Variants in NOL4L observed in about 807,000 individuals in gnomAD.
NOL4L encodes nucleolar protein 4 like.
In NOL4L, 7 loss-of-function variants were observed where a neutral mutation model predicts 64.5. The ratio of observed to expected loss-of-function variants is 0.11; its 90% CI spans 0.06 to 0.20. NOL4L has a LOEUF of 0.20. Among genes scored for constraint, NOL4L ranks in the 10% least tolerant of loss-of-function variants. The pLI, the probability that NOL4L is intolerant of heterozygous loss-of-function variation, is 1.00. For missense variants in NOL4L, 680 were observed against 967.1 expected (o/e 0.70, Z 3.94); for synonymous variants, 413 against 401.0 (o/e 1.03, Z -0.36).
chr20:32,495,559 C>G (rs2016655279), intron 4 of NOL4L, among the ~76,000 whole-genome samples: 1 of 152,202 alleles, frequency 6.6e-6, no homozygotes, highest in South Asian at 2.1e-4. Flanking sequence ...ACTTCCTCCC[C>G]AGAAGACAGT....
intron 4 of NOL4L, among the ~76,000 whole-genome samples, chr20:32,490,725 T>A (rs992363763): frequency 6.6e-6 from 1 of 152,202 alleles, no homozygotes; most frequent in African/African-American, 2.4e-5. Context: ...CTGAAAACCA[T>A]GATAAAAGGT....
intron 4 of NOL4L, 92 bp from the exon 5 acceptor site, chr20:32,474,834 G>A (rs542088349): frequency 3.2e-5 from 47 of 1,466,240 alleles, no homozygotes; most frequent in Admixed American, 1.4e-4. Context: ...GCCAGTGGGC[G>A]TTTGGGAGTG....
At chr20:32,542,983 C>T (rs1289036120) in intron 1 of NOL4L, among the ~76,000 whole-genome samples, 3 of 152,132 alleles carry the variant, frequency 2.0e-5, no homozygotes, top group African/African-American at 4.8e-5. Context: ...AGCACACAGC[C>T]GTTCTCGATA....
Position 32,463,567 on chromosome 20 carries a change from C to T in NOL4L, c.842-7172G>A, listed in dbSNP as rs541012852. Among the ~76,000 whole-genome samples, 27 of 152,324 alleles carry T rather than the reference C, an allele frequency of 1.8e-4. No individual in the cohort carries two copies. The highest frequency in any genetic ancestry group is 5.5e-4 in the African/African-American group (23 of 41,578). On this transcript the variant is annotated intron_variant, in intron 5 of 10. Transcript: ENST00000621426. The surrounding 1 kb of genome is among the most constrained non-coding windows in gnomAD (Gnocchi z 5.8). ...CCACCACCTGTGCCCAGAATGCCTA[C>T]GGGCAGGGAAGGACTGCCGTGTCCG...
rs386393630 is a variant in NOL4L, at chr20:32,447,403, CAA to C, written c.*191_*192del. ...TCAGAGCACCCGTGTGGTGAGATTC[CAA>C]AAAAAAAAAAAAAAAAAAAAAAAAG... On this transcript the variant is annotated 3_prime_UTR_variant, in exon 11 of 11. Transcript: ENST00000621426. The C allele has an allele frequency of 0.027, 4,090 of 148,838 alleles. No individual in the cohort carries two copies. Among genetic ancestry groups the C allele is most frequent in the Middle Eastern group, 0.042 (23 of 550 alleles). 9.2% of individuals were successfully genotyped at this position (148,838 alleles called of 1,614,324 possible). A position where few individuals can be genotyped will look rare whatever the true frequency, so the allele number is the denominator to read the frequency against.
intron 3 of NOL4L, among the ~76,000 whole-genome samples, chr20:32,518,743 GAC>G (rs1385546296): frequency 1.3e-5 from 2 of 152,238 alleles, no homozygotes; most frequent in Admixed American, 6.5e-5. Context: ...TCACCACTAG[GAC>G]ACACACCCCT....
intron 5 of NOL4L, among the ~76,000 whole-genome samples, chr20:32,469,849 C>T (rs1184902830): frequency 1.3e-5 from 2 of 152,218 alleles, no homozygotes; most frequent in South Asian, 2.1e-4. Flanking sequence ...GGGGACAGGG[C>T]TCATCACCCC....
At chr20:32,448,569 T>C (rs2012548592) in intron 10 of NOL4L, among the ~76,000 whole-genome samples, 4 of 151,794 alleles carry the variant, frequency 2.6e-5, no homozygotes, top group Non-Finnish European at 5.9e-5. Context: ...GCACCTCGAA[T>C]CCCCCCTCCT....
intron 5 of NOL4L, among the ~76,000 whole-genome samples, chr20:32,462,903 T>TAAAA (rs564168973): frequency 0.015 from 1,129 of 76,598 alleles, 54 homozygotes; most frequent in African/African-American, 0.05. Context: ...GACTCTGTCT[T>TAAAA]AAAAAAAAAA....
chr20:32,578,311 G>A (rs920063893), intron 1 of NOL4L, among the ~76,000 whole-genome samples: 2 of 152,136 alleles, frequency 1.3e-5, no homozygotes, highest in Non-Finnish European at 2.9e-5. Flanking sequence ...GTTCTAATAA[G>A]CCACTGGCCC....
At chr20:32,551,547 G>C (rs2018802918) in intron 1 of NOL4L, among the ~76,000 whole-genome samples, 1 of 152,038 alleles carries the variant, frequency 6.6e-6, no homozygotes, top group Non-Finnish European at 1.5e-5. Flanking sequence ...GTAAGTAAAA[G>C]AAATCCATTA....
chr20:32,530,284 G>A (rs2018295841), intron 1 of NOL4L, among the ~76,000 whole-genome samples: 1 of 152,348 alleles, frequency 6.6e-6, no homozygotes, highest in South Asian at 2.1e-4. Flanking sequence ...GCTCACGCCT[G>A]TAATCCCAGC....
chr20:32,558,665 C>T (rs1046192636), intron 1 of NOL4L, among the ~76,000 whole-genome samples: 1 of 152,364 alleles, frequency 6.6e-6, no homozygotes, highest in Admixed American at 6.5e-5. Context: ...AGGATCTGGC[C>T]TGGCTGTGGC....
At chr20:32,538,686 C>G (rs953795140) in intron 1 of NOL4L, among the ~76,000 whole-genome samples, 1 of 152,180 alleles carries the variant, frequency 6.6e-6, no homozygotes, top group Non-Finnish European at 1.5e-5. Context: ...CCAACCTCAC[C>G]GTTTCCTGCC....
intron 5 of NOL4L, among the ~76,000 whole-genome samples, 169 bp downstream of exon 5, chr20:32,474,432 A>G (rs937776135): frequency 2.6e-5 from 4 of 152,248 alleles, no homozygotes; most frequent in African/African-American, 9.6e-5. Context: ...ACTGGGGCCC[A>G]TGGAGATGCT....
chr20:32,534,427 G>A (rs1448809927), intron 1 of NOL4L, among the ~76,000 whole-genome samples: 1 of 152,186 alleles, frequency 6.6e-6, no homozygotes, highest in Non-Finnish European at 1.5e-5. Flanking sequence ...TGAGGATGCC[G>A]CTCCATCCCA....
chr20:32,542,650 A>G (rs1306821927), intron 1 of NOL4L, among the ~76,000 whole-genome samples: 2 of 152,196 alleles, frequency 1.3e-5, no homozygotes, highest in African/African-American at 4.8e-5. Flanking sequence ...CACTGTGCTC[A>G]GCCCCTACTC....
At chr20:32,514,621 T>C (rs187352730) in intron 3 of NOL4L, among the ~76,000 whole-genome samples, 8 of 152,146 alleles carry the variant, frequency 5.3e-5, no homozygotes, top group East Asian at 3.9e-4. Context: ...TCTGCACCGA[T>C]ACCAAACTCA....
chr20:32,545,743 G>A (rs931811055), intron 1 of NOL4L, among the ~76,000 whole-genome samples: 1 of 152,166 alleles, frequency 6.6e-6, no homozygotes, highest in Non-Finnish European at 1.5e-5. Context: ...GAATGCAGCT[G>A]CATTCTCCGC....
Sources: gnomAD v4.1 joint callset for allele counts (sites outside exome capture counted in the v4.1 genomes callset) on GRCh38, gnomAD v4.1.1 for gene constraint, Gnocchi (gnomAD v3.1) non-coding constraint, MANE v1.5 for transcripts, NCBI Gene and HGNC (gene_info 2026-07-23, HGNC 2026-07-21) for gene names.